SLC4A11: variants seen among roughly 807,000 people sequenced by gnomAD.
SLC4A11 encodes the protein bicarbonate transporter related protein 1.
A neutral mutation model predicts 95.0 loss-of-function variants in SLC4A11; 74 were observed. The ratio of observed to expected loss-of-function variants is 0.78; its 90% CI spans 0.65 to 0.95. SLC4A11 has a LOEUF of 0.95. SLC4A11 is among the 40% of genes least tolerant of loss of function. The pLI, the probability that SLC4A11 is intolerant of heterozygous loss-of-function variation, is 0.00. For synonymous variants in SLC4A11, 548 were observed against 519.0 expected (o/e 1.06, Z -0.76); for missense variants, 1,081 against 1,192.4 (o/e 0.91, Z 1.38).
In SLC4A11 at chr20:3,227,583, G is replaced by A; in HGVS notation, c.*204C>T. On this transcript the variant is annotated 3_prime_UTR_variant, in exon 20 of 20. Transcript: ENST00000642402. ...AGAAGCTGCCCTGAGCAACGCTCTT[G>A]GCCTAAAGCTAAAGGATAATGGGAG... 1 of 626,826 alleles carries A rather than the reference G, an allele frequency of 1.6e-6. No homozygotes were observed. Among genetic ancestry groups the A allele is most frequent in the Non-Finnish European group, 2.9e-6 (1 of 347,384 alleles). 38.8% of individuals were successfully genotyped at this position (626,826 alleles called of 1,614,324 possible).
rs749616088 is a variant in SLC4A11, at chr20:3,230,832, G to T, written c.1182C>A (p.Thr394=). Residue 394 remains threonine, a synonymous_variant, in exon 11 of 20, where the codon ACC becomes ACA. Transcript: ENST00000642402. The stretch of plus-strand genomic sequence containing the variant: ...GGCCCCCGATGCTCTGCCCGGCTAT[G>T]GTCTTCTGCACGTCTGTGGGGGTGC... ...NTDGAIDVQK[T]IAGQSIGGLL... is the part of the protein sequence containing the mutation. The T allele has an allele frequency of 3.7e-6, 6 of 1,613,364 alleles. No homozygotes were observed. The highest frequency in any genetic ancestry group is 5.1e-6 in the Non-Finnish European group (6 of 1,179,932).
Position 3,228,976 on chromosome 20 carries a change from A to C in SLC4A11, c.2054T>G (p.Leu685Arg). 6.2e-7 allele frequency: 1 copy of C among 1,613,778 alleles called. No individual in the cohort carries two copies. ...VKGTAYHWDL[L>R]LLAIINTGLS... Reference sequence around the variant, plus strand: ...CCCTGTGTTGATGATGGCGAGGAGCAGGAGGTCCCAGTGGTAGGCAGTGCC... The same window carrying C: ...CCCTGTGTTGATGATGGCGAGGAGCCGGAGGTCCCAGTGGTAGGCAGTGCC... Residue 685 changes from leucine to arginine, a missense_variant, in exon 17 of 20, where the codon CTG (leucine) becomes CGG (arginine). Around this residue, in one of 3 missense-constraint regions of SLC4A11, gnomAD observed 767 missense variants for 858.0 expected, o/e 0.89. Coordinates refer to ENST00000642402, the MANE Select transcript of SLC4A11 (RefSeq NM_001174089.2).
chr20:3,232,797 C>T (rs908056405), intron 7 of SLC4A11, among the ~76,000 whole-genome samples: 1 of 152,222 alleles, frequency 6.6e-6, no homozygotes, highest in African/African-American at 2.4e-5. Flanking sequence ...AGCCCAGTGT[C>T]GGGCTGGGGG....
intron 13 of SLC4A11, 89 bp from the exon 14 acceptor site, chr20:3,229,865 C>T (rs2122529372): frequency 1.9e-6 from 3 of 1,579,816 alleles, no homozygotes; most frequent in Admixed American, 3.3e-5. Context: ...AGAAAGGGCT[C>T]CAGGGGGAAG....
chr20:3,227,597 G>C lies in SLC4A11; in HGVS notation c.*190C>G, dbSNP rs1199642264. 4.6e-6 allele frequency: 3 copies of C among 653,644 alleles called. No individual in the cohort carries two copies. The highest frequency in any genetic ancestry group is 8.2e-6 in the Non-Finnish European group (3 of 364,320). The allele number at this position is 653,644 out of a possible 1,614,324, so 40.5% of individuals were successfully genotyped here. A position where few individuals can be genotyped will look rare whatever the true frequency, so the allele number is the denominator to read the frequency against. ...GCAACGCTCTTGGCCTAAAGCTAAA[G>C]GATAATGGGAGAGGGGTGGGCACAT... On this transcript the variant is annotated 3_prime_UTR_variant, in exon 20 of 20. Coordinates refer to ENST00000642402, the MANE Select transcript of SLC4A11 (RefSeq NM_001174089.2).
chr20:3,229,874 A>G, intron 13 of SLC4A11, 98 bp from the exon 14 acceptor site: 1 of 1,547,088 alleles, frequency 6.5e-7, no homozygotes, highest in African/African-American at 1.4e-5. Flanking sequence ...TCCAGGGGGA[A>G]GGTGAGGGGA....
chr20:3,231,598 C>CGG lies in SLC4A11; in HGVS notation c.730-52_730-51dup. On this transcript the variant is annotated intron_variant, in intron 7 of 19. Coordinates refer to ENST00000642402, the MANE Select transcript of SLC4A11 (RefSeq NM_001174089.2). The surrounding 1 kb of genome is among the most constrained non-coding windows in gnomAD (Gnocchi z 5.2). The stretch of plus-strand genomic sequence containing the variant: ...CCCTAGAAACAGAGGAGGCCCTGCC[C>CGG]GGGCCGAGCAGGTGAAGGTGCTCTC... The CGG allele has an allele frequency of 6.4e-7, 1 of 1,571,682 alleles. No homozygotes were observed. Among genetic ancestry groups the CGG allele is most frequent in the Non-Finnish European group, 8.7e-7 (1 of 1,146,674 alleles).
chr20:3,232,882 C>T (rs1285710876), intron 7 of SLC4A11, among the ~76,000 whole-genome samples: 1 of 152,186 alleles, frequency 6.6e-6, no homozygotes, highest in Non-Finnish European at 1.5e-5. Context: ...TGCTGGGGGC[C>T]ACTCCTTCCA....
chr20:3,238,872 C>T, intron 1 of SLC4A11: 1 of 1,232,122 alleles, frequency 8.1e-7, no homozygotes, highest in Non-Finnish European at 1.0e-6. Flanking sequence ...ACGGCGACAG[C>T]AGAGCCCTAA....
Position 3,227,469 on chromosome 20 carries a change from T to A in SLC4A11, c.*318A>T. On this transcript the variant is annotated 3_prime_UTR_variant, in exon 20 of 20. Coordinates refer to ENST00000642402, the MANE Select transcript of SLC4A11 (RefSeq NM_001174089.2). ...CTCTAATGTGCGTCCAGCAAGTTCC[T>A]TACACAATCAAGGAAATGGTTTCTC... 2.4e-6 allele frequency: 1 copy of A among 410,516 alleles called. No individual in the cohort carries two copies. Among genetic ancestry groups the A allele is most frequent in the Non-Finnish European group, 4.6e-6 (1 of 218,274 alleles). The allele number at this position is 410,516 out of a possible 1,614,324, so 25.4% of individuals were successfully genotyped here. A position where few individuals can be genotyped will look rare whatever the true frequency, so the allele number is the denominator to read the frequency against.
At chr20:3,230,900 A>ACCCCCCCCCCCCCCCCCC in intron 10 of SLC4A11, 33 bp downstream of exon 10, 3 of 1,610,700 alleles carry the variant, frequency 1.9e-6, no homozygotes, top group Non-Finnish European at 2.5e-6. Context: ...AGCCCAGCAT[A>ACCCCCCCCCCCCCCCCCC]CCCCCACCCA....
At position 3,234,805 on chromosome 20, in the gene SLC4A11, C is replaced by T. The variant is rs779715814; in HGVS notation, c.178G>A (p.Val60Met). ...EAFDTANSSI[V>M]SGESIRFFVN... ...AAAAAACGGATACTCTCGCCAGACA[C>T]GATGGAGGAGTTGGCAGTGTCGAAG... is the stretch of plus-strand genomic sequence containing the variant. Residue 60 changes from valine (V) to methionine (M), a missense_variant, in exon 3 of 20, where the codon GTG becomes ATG. Coordinates refer to ENST00000642402, the MANE Select transcript of SLC4A11 (RefSeq NM_001174089.2). This position sits in a 1 kb window ranked among gnomAD's most constrained non-coding sequence, Gnocchi z 5.8. 9.9e-6 allele frequency: 16 copies of T among 1,614,040 alleles called. 1 individual carries two copies. Among genetic ancestry groups the T allele is most frequent in the African/African-American group, 4.0e-5 (3 of 75,024 alleles).
rs1354803529 is a variant in SLC4A11, at chr20:3,230,043, C to T, written c.1489+144G>A. The stretch of plus-strand genomic sequence containing the variant: ...GTGGAGGGCTCTGCCCTCTGCCAGC[C>T]CAAGGCTCCCAGAGCACCGCACCCT... On this transcript the variant is annotated intron_variant, in intron 13 of 19. Transcript: ENST00000642402. The T allele has an allele frequency of 2.6e-6, 3 of 1,163,004 alleles. No individual in the cohort carries two copies. In the African/African-American group the frequency reaches 4.6e-5, roughly 18 times the overall value. 72.0% of individuals were successfully genotyped at this position (1,163,004 alleles called of 1,614,324 possible).
chr20:3,233,342 T>A (rs1183878809), intron 7 of SLC4A11, among the ~76,000 whole-genome samples, 172 bp downstream of exon 7: 1 of 152,094 alleles, frequency 6.6e-6, no homozygotes, highest in Non-Finnish European at 1.5e-5. Flanking sequence ...CCCGGGGACA[T>A]GAGGACTTGC....
At position 3,228,348 on chromosome 20, in the gene SLC4A11, C is replaced by A; in HGVS notation, c.2469G>T (p.Gln823His). The change falls in exon 19 of 20, where the codon CAG (glutamine) becomes CAT (histidine). Residue 823 changes from glutamine to histidine, a missense_variant. Around this residue, in one of 3 missense-constraint regions of SLC4A11, gnomAD observed 767 missense variants for 858.0 expected, o/e 0.89. Coordinates refer to ENST00000642402, the MANE Select transcript of SLC4A11 (RefSeq NM_001174089.2). Reference protein sequence around the residue: ...IHYFTGLQVLQLLLLCAFGMS... With the variant: ...IHYFTGLQVLHLLLLCAFGMS... ...TGCCGAAGGCACACAGCAGCAGCAG[C>A]TGAAGCACCTGCAGGCCCGTGAAGT... The A allele has an allele frequency of 6.2e-7, 1 of 1,613,324 alleles. No individual in the cohort carries two copies.
chr20:3,231,184 C>T lies in SLC4A11; in HGVS notation c.1007G>A (p.Arg336His), dbSNP rs773292136. 24 of 1,614,150 alleles carry T rather than the reference C, an allele frequency of 1.5e-5. No individual in the cohort carries two copies. Among genetic ancestry groups the T allele is most frequent in the Admixed American group, 3.3e-5 (2 of 60,028 alleles). The change falls in exon 9 of 20, where the codon CGC (arginine) becomes CAC (histidine). Residue 336 changes from arginine (R) to histidine (H), a missense_variant. Arg to His is a conservative substitution (Grantham distance 29). Transcript: ENST00000642402. The surrounding 1 kb of genome is among the most constrained non-coding windows in gnomAD (Gnocchi z 5.2). Reference protein sequence around the residue: ...FGKGIREDIARRFPLYPLDFT... With the variant: ...FGKGIREDIAHRFPLYPLDFT... ...GTCCAAGGGGTACAAGGGGAACCTG[C>T]GTGCGATGTCCTCCCGGATGCCCTT...
intron 2 of SLC4A11, among the ~76,000 whole-genome samples, chr20:3,236,296 C>T (rs1315073922): frequency 2.6e-5 from 4 of 152,166 alleles, no homozygotes; most frequent in African/African-American, 9.7e-5. Context: ...CTCCAGAGCC[C>T]AGAGAAGAAA....
chr20:3,238,275 C>T, intron 1 of SLC4A11: 1 of 1,282,884 alleles, frequency 7.8e-7, no homozygotes, highest in Middle Eastern at 3.0e-4. Flanking sequence ...CCGGATGGTC[C>T]CGGCTGTTTG....
chr20:3,228,931 G>A lies in SLC4A11; in HGVS notation c.2099C>T (p.Pro700Leu). ...INTGLSLFGL[P>L]WIHAAYPHSP... ...GTGGGGGTAGGCGGCATGGATCCAAGGCAGCCCAAACAGAGACAGCCCTGT... is the reference window on the plus strand; with the variant it reads ...GTGGGGGTAGGCGGCATGGATCCAAAGCAGCCCAAACAGAGACAGCCCTGT... Residue 700 changes from proline (P) to leucine (L), a missense_variant, in exon 17 of 20, where the codon CCT becomes CTT. Physicochemically the swap from Pro to Leu is moderately conservative, Grantham distance 98 (BLOSUM62 -3). This residue lies in a region of SLC4A11 where 767 missense variants were observed against 858.0 expected (regional missense o/e 0.89). Coordinates refer to ENST00000642402, the MANE Select transcript of SLC4A11 (RefSeq NM_001174089.2). 6.2e-7 allele frequency: 1 copy of A among 1,613,960 alleles called. No homozygotes were observed. The highest frequency in any genetic ancestry group is 1.1e-5 in the South Asian group (1 of 91,084).
Sources: allele counts gnomAD v4.1 joint callset (sites outside exome capture counted in the v4.1 genomes callset), GRCh38; gene constraint gnomAD v4.1.1; regional missense constraint gnomAD v4.1.1; non-coding constraint Gnocchi (gnomAD v3.1); transcripts MANE v1.5; gene names NCBI Gene and HGNC (gene_info 2026-07-23, HGNC 2026-07-21).